Variants in PCDHGA10 observed in about 807,000 individuals in gnomAD.
PCDHGA10 encodes protocadherin gamma subfamily A, 10.
A neutral mutation model predicts 59.5 loss-of-function variants in PCDHGA10; 42 were observed. The observed-to-expected ratio is 0.71, with a 90% confidence interval of 0.55 to 0.91. PCDHGA10 has a LOEUF of 0.91. PCDHGA10 is among the 40% of genes least tolerant of loss of function. The pLI is 0.00. For missense variants in PCDHGA10, 1,111 were observed against 1,198.2 expected (o/e 0.93, Z 1.07); for synonymous variants, 511 against 517.2 (o/e 0.99, Z 0.16).
chr5:141,477,059 A>T lies in PCDHGA10; in HGVS notation c.2437-17748A>T. The T allele has an allele frequency of 6.2e-7, 1 of 1,614,238 alleles. No homozygotes were observed. Among genetic ancestry groups the T allele is most frequent in the Non-Finnish European group, 8.5e-7 (1 of 1,180,036 alleles). ...CAAGGGTCGGCTGGACTTCGAGGAC[A>T]CCAAACTCCATGAGATTTACATCCA... On this transcript the variant is annotated intron_variant, in intron 1 of 3. Transcript: ENST00000398610. The surrounding 1 kb of genome is among the most constrained non-coding windows in gnomAD (Gnocchi z 4.9).
intron 1 of PCDHGA10, chr5:141,423,577 G>A (rs1348410879): frequency 6.2e-7 from 1 of 1,613,478 alleles, no homozygotes; most frequent in Non-Finnish European, 8.5e-7. Context: ...CATCAGCCAG[G>A]AGAGCTGTGA....
At chr5:141,465,494 G>C (rs2099104306) in intron 1 of PCDHGA10, among the ~76,000 whole-genome samples, 1 of 152,204 alleles carries the variant, frequency 6.6e-6, no homozygotes, top group African/African-American at 2.4e-5. Context: ...ATGAGCGGGA[G>C]CATTGTCGTG....
rs114847835 is a variant in PCDHGA10, at chr5:141,486,500, C to T, written c.2437-8307C>T. The T allele has an allele frequency of 6.2e-6, 10 of 1,614,008 alleles. No homozygotes were observed. The East Asian group carries it at 1.8e-4, about 29-fold the overall frequency. On this transcript the variant is annotated intron_variant, in intron 1 of 3. Coordinates refer to ENST00000398610, the MANE Select transcript of PCDHGA10 (RefSeq NM_018913.3). This position sits in a 1 kb window ranked among gnomAD's most constrained non-coding sequence, Gnocchi z 5.0. ...TCTCAGTACCCACAGAACTATTTTCCTCAATATTTCAGATGTGAATGATAA... is the reference window on the plus strand; with the variant it reads ...TCTCAGTACCCACAGAACTATTTTCTTCAATATTTCAGATGTGAATGATAA...
At position 141,497,121 on chromosome 5, in the gene PCDHGA10, G is replaced by T. The variant is rs185298630; in HGVS notation, c.2495+2256G>T. Among the ~76,000 whole-genome samples, 563 of 152,212 alleles carry T rather than the reference G, an allele frequency of 3.7e-3. 5 individuals are homozygous for T. The highest frequency in any genetic ancestry group is 0.011 in the Admixed American group (164 of 15,296). On this transcript the variant is annotated intron_variant, in intron 2 of 3. Coordinates refer to ENST00000398610, the MANE Select transcript of PCDHGA10 (RefSeq NM_018913.3). Reference sequence around the variant, plus strand: ...GAACTGCTTGAACCCGGAAGGCAGAGGTTGCAGTGAGCTGAGATCACGAAA... The same window carrying T: ...GAACTGCTTGAACCCGGAAGGCAGATGTTGCAGTGAGCTGAGATCACGAAA...
chr5:141,483,501 G>T (rs1022338958), intron 1 of PCDHGA10, among the ~76,000 whole-genome samples: 1 of 150,394 alleles, frequency 6.6e-6, no homozygotes, highest in Non-Finnish European at 1.5e-5. Flanking sequence ...ATGAGTCAAG[G>T]CTGATCCCCC....
At chr5:141,417,503 TAA>T in intron 1 of PCDHGA10, 1 of 229,962 alleles carries the variant, frequency 4.3e-6, no homozygotes, top group East Asian at 9.7e-5. Flanking sequence ...GGAAAAAGAT[TAA>T]AATATTTTGG....
In PCDHGA10 at chr5:141,431,775, A is replaced by T; in HGVS notation, c.2436+16164A>T. 6.2e-7 allele frequency: 1 copy of T among 1,614,204 alleles called. No homozygotes were observed. Among genetic ancestry groups the T allele is most frequent in the Non-Finnish European group, 8.5e-7 (1 of 1,180,024 alleles). ...GCCAAAGTCCTGATCACTGTTCTGG[A>T]CGTGAACGACAATGCCCCAGAAGTG... On this transcript the variant is annotated intron_variant, in intron 1 of 3. Transcript: ENST00000398610. This position sits in a 1 kb window ranked among gnomAD's most constrained non-coding sequence, Gnocchi z 4.8.
intron 1 of PCDHGA10, among the ~76,000 whole-genome samples, chr5:141,437,246 C>A (rs897787623): frequency 6.6e-6 from 1 of 152,144 alleles, no homozygotes; most frequent in Non-Finnish European, 1.5e-5. Context: ...CAAGGACTTT[C>A]CTTGTCTTTT....
chr5:141,450,669 T>C (rs2098689726), intron 1 of PCDHGA10, among the ~76,000 whole-genome samples: 1 of 151,904 alleles, frequency 6.6e-6, no homozygotes, highest in Admixed American at 6.6e-5. Context: ...GTACTTTTAG[T>C]AGAAACGGGG....
chr5:141,422,056 G>C lies in PCDHGA10; in HGVS notation c.2436+6445G>C, dbSNP rs1003977721. 1.2e-6 allele frequency: 2 copies of C among 1,611,816 alleles called. No individual in the cohort carries two copies. The highest frequency in any genetic ancestry group is 2.7e-5 in the African/African-American group (2 of 74,764). ...GGATCCAGACGAGGGAATCAACGGG[G>C]AAGTAATGTATTCATTTCGGAACAT... On this transcript the variant is annotated intron_variant, in intron 1 of 3. Transcript: ENST00000398610.
intron 2 of PCDHGA10, among the ~76,000 whole-genome samples, chr5:141,503,295 T>C (rs567706089): frequency 6.6e-6 from 1 of 152,070 alleles, no homozygotes; most frequent in Non-Finnish European, 1.5e-5. Context: ...TACATAGAAA[T>C]TGCTCAAGAA....
At chr5:141,482,528 T>C (rs945815289) in intron 1 of PCDHGA10, among the ~76,000 whole-genome samples, 1 of 56,520 alleles carries the variant, frequency 1.8e-5, no homozygotes, top group Non-Finnish European at 2.8e-5. Flanking sequence ...GAGACAGACA[T>C]GCAAAAAAAA....
chr5:141,489,894 G>T lies in PCDHGA10; in HGVS notation c.2437-4913G>T. 1.2e-6 allele frequency: 2 copies of T among 1,614,204 alleles called. No homozygotes were observed. Among genetic ancestry groups the T allele is most frequent in the Non-Finnish European group, 1.7e-6 (2 of 1,180,028 alleles). The stretch of plus-strand genomic sequence containing the variant: ...TGGTGCTTACTGCTGTGGATGGGGG[G>T]ACCCCAGCCCGCTCAGGGACCACCC... On this transcript the variant is annotated intron_variant, in intron 1 of 3. Transcript: ENST00000398610. The surrounding 1 kb of genome is among the most constrained non-coding windows in gnomAD (Gnocchi z 4.5).
At chr5:141,438,875 A>G (rs2098071820) in intron 1 of PCDHGA10, among the ~76,000 whole-genome samples, 1 of 151,738 alleles carries the variant, frequency 6.6e-6, no homozygotes. Flanking sequence ...CAAGTTGGCC[A>G]GGCTGCTCTT....
Position 141,431,412 on chromosome 5 carries a change from GC to G in PCDHGA10, c.2436+15802del. ...CTGGTCCTTACGGCCTCCGACGGGG[GC>G]GACCCGGTGCGCACAGGCACCGCGC... On this transcript the variant is annotated intron_variant, in intron 1 of 3. Coordinates refer to ENST00000398610, the MANE Select transcript of PCDHGA10 (RefSeq NM_018913.3). The surrounding 1 kb of genome is among the most constrained non-coding windows in gnomAD (Gnocchi z 4.8). The G allele has an allele frequency of 6.2e-7, 1 of 1,613,714 alleles. No homozygotes were observed. Among genetic ancestry groups the G allele is most frequent in the Non-Finnish European group, 8.5e-7 (1 of 1,180,050 alleles).
Position 141,414,263 on chromosome 5 carries a change from A to G in PCDHGA10, c.1088A>G (p.Asp363Gly). 6.2e-7 allele frequency: 1 copy of G among 1,613,500 alleles called. No individual in the cohort carries two copies. The highest frequency in any genetic ancestry group is 8.5e-7 in the Non-Finnish European group (1 of 1,179,746). The change falls in exon 1 of 4, where the codon GAT becomes GGT. Residue 363 changes from aspartate (D) to glycine (G), a missense_variant. Asp to Gly is a moderately conservative substitution (Grantham distance 94). Transcript: ENST00000398610. ...TCTCTATTTAGTCCAGTGACTGAAG[A>G]TTCACCTCTGGGAACAGTCGTAGCC... ...ITSLFSPVTE[D>G]SPLGTVVALL...
At chr5:141,415,740 G>GTTTTTTTTTTTTTTTTTTGTTTTTTTTT in intron 1 of PCDHGA10, 129 bp downstream of exon 1, 1 of 617,992 alleles carries the variant, frequency 1.6e-6, no homozygotes, top group Non-Finnish European at 2.1e-6. Flanking sequence ...GTTTATTAAG[G>GTTTTTTTTTTTTTTTTTTGTTTTTTTTT]TTTTTTTTTT....
At chr5:141,501,983 C>T (rs957901405) in intron 2 of PCDHGA10, among the ~76,000 whole-genome samples, 1 of 152,068 alleles carries the variant, frequency 6.6e-6, no homozygotes, top group Non-Finnish European at 1.5e-5. Context: ...CATCTGGTCC[C>T]GTTGTCTCCC....
chr5:141,433,329 G>A, intron 1 of PCDHGA10: 1 of 702,998 alleles, frequency 1.4e-6, no homozygotes, highest in Non-Finnish European at 2.4e-6. Context: ...GTGTAACAGG[G>A]ACTACAGGTG....
Sources: gnomAD v4.1 joint callset for allele counts (sites outside exome capture counted in the v4.1 genomes callset) on GRCh38, gnomAD v4.1.1 for gene constraint, Gnocchi (gnomAD v3.1) non-coding constraint, MANE v1.5 for transcripts, NCBI Gene and HGNC (gene_info 2026-07-23, HGNC 2026-07-21) for gene names.